The following SIL1 variants were observed in gnomAD, a reference collection of about 807,000 sequenced individuals.
SIL1 encodes SIL1 nucleotide exchange factor.
Under a neutral mutation model 49.1 loss-of-function variants are expected in SIL1, and 40 were observed. The observed-to-expected ratio is 0.81, with a 90% CI of 0.63 to 1.06. SIL1 has a LOEUF of 1.06. Among genes scored for constraint, SIL1 ranks in the 50% least tolerant of loss-of-function variants. The pLI is 0.00. For missense variants in SIL1, 500 were observed against 572.6 expected (o/e 0.87, Z 1.29); for synonymous variants, 253 against 250.8 (o/e 1.01, Z -0.08).
chr5:139,085,824 G>A (rs927781075), intron 3 of SIL1, among the ~76,000 whole-genome samples: 9 of 152,106 alleles, frequency 5.9e-5, no homozygotes, highest in Non-Finnish European at 1.0e-4. Flanking sequence ...ATGAGGGCTC[G>A]AGCCAGAAAT....
intron 1 of SIL1, among the ~76,000 whole-genome samples, chr5:139,138,306 G>A (rs1438889558): frequency 6.6e-6 from 1 of 152,116 alleles, no homozygotes; most frequent in Non-Finnish European, 1.5e-5. Flanking sequence ...TGGTGAATGG[G>A]GCTTGCCTAA....
chr5:139,140,162 C>T (rs1228231879), intron 1 of SIL1, among the ~76,000 whole-genome samples: 1 of 151,540 alleles, frequency 6.6e-6, no homozygotes, highest in Non-Finnish European at 1.5e-5. Context: ...CCCAGCTACT[C>T]GGGAGCCTGA....
chr5:139,138,152 C>T (rs1479033144), intron 1 of SIL1, among the ~76,000 whole-genome samples: 1 of 152,052 alleles, frequency 6.6e-6, no homozygotes, highest in Admixed American at 6.6e-5. Flanking sequence ...TATACACACA[C>T]ACACACACAC....
At chr5:138,978,422 T>C (rs1767440158) in intron 7 of SIL1, among the ~76,000 whole-genome samples, 1 of 152,262 alleles carries the variant, frequency 6.6e-6, no homozygotes, top group Non-Finnish European at 1.5e-5. Flanking sequence ...TACTACATTA[T>C]ATTTACCCAT....
chr5:138,959,783 G>A (rs773570214), intron 7 of SIL1, among the ~76,000 whole-genome samples: 1 of 152,212 alleles, frequency 6.6e-6, no homozygotes, highest in African/African-American at 2.4e-5. Context: ...CCCACCCACA[G>A]TCCAATGGGC....
intron 3 of SIL1, among the ~76,000 whole-genome samples, chr5:139,104,699 G>A (rs1770663051): frequency 6.6e-6 from 1 of 152,192 alleles, no homozygotes; most frequent in Non-Finnish European, 1.5e-5. Context: ...CCTTGAGTGG[G>A]TTAGTAAGAC....
chr5:139,167,884 G>T (rs536166448), intron 1 of SIL1, among the ~76,000 whole-genome samples: 1 of 152,134 alleles, frequency 6.6e-6, no homozygotes, highest in South Asian at 2.1e-4. Context: ...GTCTCCTTCT[G>T]TTGCCCAGGC....
At chr5:139,011,823 C>G (rs1768280160) in intron 7 of SIL1, among the ~76,000 whole-genome samples, 1 of 151,992 alleles carries the variant, frequency 6.6e-6, no homozygotes, top group Non-Finnish European at 1.5e-5. Flanking sequence ...TACCAGTAAC[C>G]CAGAAATTCT....
intron 5 of SIL1, 84 bp from the exon 6 acceptor site, chr5:139,027,076 C>A: frequency 7.9e-7 from 1 of 1,262,464 alleles, no homozygotes; most frequent in South Asian, 1.2e-5. Flanking sequence ...TGCCCATCCT[C>A]AAAAAACTGC....
chr5:139,104,715 A>G (rs1268945744), intron 3 of SIL1, among the ~76,000 whole-genome samples: 2 of 152,206 alleles, frequency 1.3e-5, no homozygotes, highest in Non-Finnish European at 2.9e-5. Flanking sequence ...AAGACTGCCA[A>G]TCTTTTTGTT....
chr5:138,973,341 T>C (rs1376929002), intron 7 of SIL1, among the ~76,000 whole-genome samples: 1 of 151,780 alleles, frequency 6.6e-6, no homozygotes, highest in Non-Finnish European at 1.5e-5. Context: ...TAATAAGTAA[T>C]TTAAATAATT....
chr5:139,026,408 C>A (rs1768650551), intron 6 of SIL1, among the ~76,000 whole-genome samples: 1 of 152,024 alleles, frequency 6.6e-6, no homozygotes, highest in Non-Finnish European at 1.5e-5. Context: ...TCAAGACCAG[C>A]CTGGCCAACA....
chr5:139,032,717 A>C (rs1308198884), intron 5 of SIL1, among the ~76,000 whole-genome samples: 1 of 152,142 alleles, frequency 6.6e-6, no homozygotes, highest in Non-Finnish European at 1.5e-5. Context: ...AAGGTTTTTC[A>C]CTACAAATTC....
intron 7 of SIL1, among the ~76,000 whole-genome samples, chr5:138,974,635 G>C (rs1473018128): frequency 1.3e-5 from 2 of 152,102 alleles, no homozygotes; most frequent in Non-Finnish European, 1.5e-5. Flanking sequence ...AAGAACATTC[G>C]GTATGGAAAG....
At position 139,198,342 on chromosome 5, in the gene SIL1, C is replaced by G. The variant is rs546684448; in HGVS notation, c.-84G>C. Reference sequence around the variant, plus strand: ...GCGGCCGCGGCGGCGACCAGCTCCCCCTGCGCAAACGCGGCGGCGACCGTC... The same window carrying G: ...GCGGCCGCGGCGGCGACCAGCTCCCGCTGCGCAAACGCGGCGGCGACCGTC... On this transcript the variant is annotated 5_prime_UTR_variant, in exon 1 of 10. Coordinates refer to ENST00000394817, the MANE Select transcript of SIL1 (RefSeq NM_022464.5). 2.0e-5 allele frequency: 3 copies of G among 152,282 alleles called. No homozygotes were observed. Among genetic ancestry groups the G allele is most frequent in the African/African-American group, 7.2e-5 (3 of 41,558 alleles). 9.4% of individuals were successfully genotyped at this position (152,282 alleles called of 1,614,324 possible).
At chr5:139,126,976 G>A (rs1248450082) in intron 2 of SIL1, among the ~76,000 whole-genome samples, 1 of 152,174 alleles carries the variant, frequency 6.6e-6, no homozygotes, top group Non-Finnish European at 1.5e-5. Context: ...AGGAGAGGGA[G>A]GGCATTAGGA....
chr5:138,987,974 C>G (rs1767680277), intron 7 of SIL1, among the ~76,000 whole-genome samples: 1 of 152,176 alleles, frequency 6.6e-6, no homozygotes, highest in African/African-American at 2.4e-5. Flanking sequence ...GCTGGGATTA[C>G]AGGCATGCGC....
chr5:139,149,877 C>T (rs1311725112), intron 1 of SIL1, among the ~76,000 whole-genome samples: 1 of 152,110 alleles, frequency 6.6e-6, no homozygotes, highest in Non-Finnish European at 1.5e-5. Context: ...CCTTGCCAGA[C>T]AGGTTAGATA....
chr5:139,058,899 C>T (rs568837173), intron 3 of SIL1, among the ~76,000 whole-genome samples: 1 of 151,416 alleles, frequency 6.6e-6, no homozygotes, highest in African/African-American at 2.4e-5. Flanking sequence ...GATCTGGATG[C>T]TAGGTGTGTT....
Sources: allele counts gnomAD v4.1 joint callset (sites outside exome capture counted in the v4.1 genomes callset), GRCh38; gene constraint gnomAD v4.1.1; transcripts MANE v1.5; gene names NCBI Gene and HGNC (gene_info 2026-07-23, HGNC 2026-07-21).